Variants in NPR3 observed in about 807,000 individuals in gnomAD.
NPR3 encodes atrial natriuretic peptide receptor 3.
NPR3 carries 34 observed loss-of-function variants against 54.5 expected under a neutral mutation model. The observed-to-expected ratio is 0.62, with a 90% CI of 0.47 to 0.83. The LOEUF (loss-of-function observed/expected upper bound fraction) is 0.83, where lower values mean the gene tolerates loss of function less well. NPR3 is among the 40% of genes least tolerant of loss of function. The pLI is 0.00. For synonymous variants in NPR3, 289 were observed against 297.1 expected, an observed-to-expected ratio of 0.97 and a Z score of 0.28; for missense variants, 674 against 720.8, an observed-to-expected ratio of 0.94 and a Z score of 0.74.
chr5:32,752,231 A>T (rs1740616260), intron 3 of NPR3, among the ~76,000 whole-genome samples: 1 of 151,922 alleles, frequency 6.6e-6, no homozygotes, highest in Non-Finnish European at 1.5e-5. Context: ...AAAAACAAAA[A>T]CAAAAACAAA....
intron 3 of NPR3, among the ~76,000 whole-genome samples, chr5:32,771,934 CA>C (rs1741781444): frequency 6.6e-6 from 1 of 151,510 alleles, no homozygotes; most frequent in Non-Finnish European, 1.5e-5. Flanking sequence ...GTAAAATTAT[CA>C]AAGAGAAGAT....
chr5:32,734,775 A>T (rs1739641992), intron 2 of NPR3, among the ~76,000 whole-genome samples: 1 of 152,142 alleles, frequency 6.6e-6, no homozygotes, highest in African/African-American at 2.4e-5. Context: ...AGTGTGACTG[A>T]AGAGCTGAAT....
At chr5:32,722,388 A>G (rs1198152465) in intron 1 of NPR3, among the ~76,000 whole-genome samples, 1 of 152,190 alleles carries the variant, frequency 6.6e-6, no homozygotes, top group Non-Finnish European at 1.5e-5. Context: ...TAGCATGCTC[A>G]GGTATAGGGC....
intron 3 of NPR3, among the ~76,000 whole-genome samples, chr5:32,741,855 A>G (rs1740053715): frequency 6.6e-6 from 1 of 151,646 alleles, no homozygotes; most frequent in Non-Finnish European, 1.5e-5. Context: ...ACTCTGGAGT[A>G]GGTGGGATTA....
rs1738217818 is a variant in NPR3 at position 32,711,460 on chromosome 5, G to C, written c.-317G>C. On this transcript the variant is annotated 5_prime_UTR_variant, in exon 1 of 8. Coordinates refer to ENST00000265074, the MANE Select transcript of NPR3 (RefSeq NM_001204375.2). ...CGCCCAAATAAGAAGCCACCTCTAA[G>C]CAAAATAGTATATGTATAAACGGAG... 2.7e-6 allele frequency: 3 copies of C among 1,093,214 alleles called. No individual in the cohort carries two copies. In the South Asian group the frequency reaches 1.3e-4, roughly 49 times the overall value. 67.7% of individuals were successfully genotyped at this position (1,093,214 alleles called of 1,614,324 possible).
intron 1 of NPR3, among the ~76,000 whole-genome samples, 174 bp downstream of exon 1, chr5:32,712,719 C>G (rs1225457360): frequency 1.3e-5 from 2 of 152,232 alleles, no homozygotes; most frequent in Non-Finnish European, 2.9e-5. Flanking sequence ...TGACGACCGC[C>G]CATCGCGGTG....
upstream of NPR3, chr5:32,710,703 A>T: frequency 1.9e-6 from 3 of 1,546,614 alleles, no homozygotes; most frequent in Non-Finnish European, 2.6e-6. Context: ...TTGTTCCCTG[A>T]CCTTGCGCCG....
chr5:32,706,648 C>A (rs1738000547), upstream of NPR3, among the ~76,000 whole-genome samples: 1 of 152,208 alleles, frequency 6.6e-6, no homozygotes, highest in South Asian at 2.1e-4. Context: ...CTGCTCATTT[C>A]TGTCATCAAA....
chr5:32,726,863 T>G (rs139890233), intron 2 of NPR3, among the ~76,000 whole-genome samples: 4 of 152,356 alleles, frequency 2.6e-5, no homozygotes, highest in Admixed American at 2.6e-4. Context: ...TATAAATACA[T>G]GTTTTACAAA....
chr5:32,771,415 T>C (rs1431132038), intron 3 of NPR3, among the ~76,000 whole-genome samples: 1 of 152,214 alleles, frequency 6.6e-6, no homozygotes, highest in Non-Finnish European at 1.5e-5. Context: ...AGGGCCCGTC[T>C]ATTTCCTTCT....
chr5:32,726,325 T>C (rs143959678), intron 2 of NPR3, among the ~76,000 whole-genome samples: 61 of 152,216 alleles, frequency 4.0e-4, no homozygotes, highest in African/African-American at 1.4e-3. Flanking sequence ...TAAAGAAAAG[T>C]TGATGAAACA....
chr5:32,706,994 G>GT (rs1489386088), upstream of NPR3, among the ~76,000 whole-genome samples: 11 of 151,984 alleles, frequency 7.2e-5, no homozygotes, highest in African/African-American at 2.7e-4. Flanking sequence ...ATTCACACTC[G>GT]TTTTTGTGAA....
At chr5:32,735,147 C>T (rs1161431051) in intron 2 of NPR3, among the ~76,000 whole-genome samples, 1 of 152,196 alleles carries the variant, frequency 6.6e-6, no homozygotes, top group Non-Finnish European at 1.5e-5. Flanking sequence ...TTCGGAGTAG[C>T]ATTTCCACCT....
intron 3 of NPR3, among the ~76,000 whole-genome samples, chr5:32,763,476 ATTTT>A: frequency 7.5e-6 from 1 of 133,808 alleles, no homozygotes; most frequent in South Asian, 2.4e-4. Flanking sequence ...CGCTCAGCTA[ATTTT>A]TTTTTTTTTT....
At chr5:32,743,916 A>C (rs927549084) in intron 3 of NPR3, among the ~76,000 whole-genome samples, 3 of 151,716 alleles carry the variant, frequency 2.0e-5, no homozygotes, top group Non-Finnish European at 4.4e-5. Context: ...TCCTATGGGT[A>C]CTATAATATT....
intron 1 of NPR3, among the ~76,000 whole-genome samples, chr5:32,702,897 A>G (rs1318654344): frequency 6.6e-6 from 1 of 152,030 alleles, no homozygotes; most frequent in South Asian, 2.1e-4. Flanking sequence ...AAGTGTTCCT[A>G]TTTCTCCACA....
At chr5:32,704,890 C>T (rs191704168), upstream of NPR3, among the ~76,000 whole-genome samples, 51 of 152,274 alleles carry the variant, frequency 3.3e-4, no homozygotes, top group East Asian at 2.7e-3. Context: ...CAGCGTACAA[C>T]TAAATAAATC....
In NPR3 at chr5:32,712,126, T is replaced by C. The variant is rs1424361719; in HGVS notation, c.350T>C (p.Val117Ala). The change falls in exon 1 of 8, where the codon GTG becomes GCG. Residue 117 changes from valine (V) to alanine (A), a missense_variant. Coordinates refer to ENST00000265074, the MANE Select transcript of NPR3 (RefSeq NM_001204375.2). ...GGGAACCGTGCGCTCTTCAGCTTGG[T>C]GGACCGCGTGGCGGCGGCGCGGGGC... ...DCGNRALFSL[V>A]DRVAAARGAK... The C allele has an allele frequency of 6.2e-7, 1 of 1,613,584 alleles. No homozygotes were observed. The highest frequency in any genetic ancestry group is 1.1e-5 in the South Asian group (1 of 91,078).
At chr5:32,722,397 G>A (rs1738913011) in intron 1 of NPR3, among the ~76,000 whole-genome samples, 1 of 152,090 alleles carries the variant, frequency 6.6e-6, no homozygotes, top group Non-Finnish European at 1.5e-5. Flanking sequence ...CAGGTATAGG[G>A]CATGTTGACA....
Sources: allele counts gnomAD v4.1 joint callset (sites outside exome capture counted in the v4.1 genomes callset), GRCh38; gene constraint gnomAD v4.1.1; transcripts MANE v1.5; gene names NCBI Gene and HGNC (gene_info 2026-07-23, HGNC 2026-07-21).